The following COX6B2 variants were observed in gnomAD, a reference collection of about 807,000 sequenced individuals.
The protein encoded by COX6B2 is COX VIb-2.
A neutral mutation model predicts 13.7 loss-of-function variants in COX6B2; 12 were observed. The observed-to-expected ratio is 0.87, with a 90% CI of 0.56 to 1.41. COX6B2 has a LOEUF of 1.41. Among genes scored for constraint, COX6B2 ranks in the 40% most tolerant of loss-of-function variants. The pLI is 0.00. For missense variants in COX6B2, 130 were observed against 118.3 expected, an observed-to-expected ratio of 1.10 and a Z score of -0.46; for synonymous variants, 56 against 46.6, an observed-to-expected ratio of 1.20 and a Z score of -0.82.
rs1434263116 is a variant in COX6B2 at position 55,350,993 on chromosome 19, C to T, written c.*115-193G>A. Among the ~76,000 whole-genome samples the T allele has an allele frequency of 6.6e-6, 1 of 152,206 alleles. No homozygotes were observed. The highest frequency in any genetic ancestry group is 1.5e-5 in the Non-Finnish European group (1 of 68,042). ...ATGCTGCAAGCTAGTAACCAGATGC[C>T]TCCAAGAGCTCCAGGACTGGTTTAT... On this transcript the variant is annotated intron_variant, in intron 4 of 4. Coordinates refer to ENST00000326529, the MANE Select transcript of COX6B2 (RefSeq NM_144613.5). This position sits in a 1 kb window ranked among gnomAD's most constrained non-coding sequence, Gnocchi z 4.2.
chr19:55,353,655 C>T lies in COX6B2; in HGVS notation c.*66G>A. ...GGAGGTAGGGGTGGATAACCGAGAC[C>T]CGGGGCTCCGCGAGACAAAAAGATG... On this transcript the variant is annotated 3_prime_UTR_variant, in exon 4 of 5. Transcript: ENST00000326529. The T allele has an allele frequency of 6.6e-7, 1 of 1,506,978 alleles. No homozygotes were observed. The highest frequency in any genetic ancestry group is 9.1e-7 in the Non-Finnish European group (1 of 1,102,224). The allele number at this position is 1,506,978 out of a possible 1,614,324, so 93.4% of individuals were successfully genotyped here. A position where few individuals can be genotyped will look rare whatever the true frequency, so the allele number is the denominator to read the frequency against.
At position 55,353,939 on chromosome 19, in the gene COX6B2, G is replaced by GTCC; in HGVS notation, c.137_139dup (p.Arg46dup). On this transcript the variant is annotated inframe_insertion, in exon 3 of 5. Transcript: ENST00000326529. ...GGGCTGCGTGCTCTTCCCGCGGCGGGTCCTGGTCTTGAGGCAGCGGTGGTA... is the reference window on the plus strand; with the variant it reads ...GGGCTGCGTGCTCTTCCCGCGGCGGGTCCTCCTGGTCTTGAGGCAGCGGTGGTA... 1 of 1,558,286 alleles carries GTCC rather than the reference G, an allele frequency of 6.4e-7. No individual in the cohort carries two copies. The highest frequency in any genetic ancestry group is 2.4e-5 in the East Asian group (1 of 41,570).
chr19:55,354,134 A>C (rs1179424643), intron 2 of COX6B2, 168 bp from the exon 3 acceptor site: 6 of 614,298 alleles, frequency 9.8e-6, no homozygotes, highest in Non-Finnish European at 1.7e-5. Flanking sequence ...CCTCCCTCAC[A>C]CTGCTCCTCC....
rs2089664762 is a variant in COX6B2 at position 55,350,693 on chromosome 19, G to A, written c.*222C>T. Reference sequence around the variant, plus strand: ...GTTCACCAAGGTAGCTCAAGGACAGGAAGAAACGGTGGTGGCAGAGGGTCC... The same window carrying A: ...GTTCACCAAGGTAGCTCAAGGACAGAAAGAAACGGTGGTGGCAGAGGGTCC... On this transcript the variant is annotated 3_prime_UTR_variant, in exon 5 of 5. Transcript: ENST00000326529. This position sits in a 1 kb window ranked among gnomAD's most constrained non-coding sequence, Gnocchi z 4.2. 2 of 152,444 alleles carry A rather than the reference G, an allele frequency of 1.3e-5. No individual in the cohort carries two copies. Among genetic ancestry groups the A allele is most frequent in the African/African-American group, 4.8e-5 (2 of 41,468 alleles). The allele number at this position is 152,444 out of a possible 1,614,324, so 9.4% of individuals were successfully genotyped here. A position where few individuals can be genotyped will look rare whatever the true frequency, so the allele number is the denominator to read the frequency against.
intron 2 of COX6B2, 116 bp downstream of exon 2, chr19:55,354,294 G>A (rs1338968109): frequency 8.2e-6 from 3 of 363,670 alleles, no homozygotes; most frequent in African/African-American, 5.2e-5. Context: ...CCACCAACCC[G>A]GCCCCGCCCG....
chr19:55,353,760 G>C lies in COX6B2; in HGVS notation c.228C>G (p.Asn76Lys). The part of the protein sequence containing the change: ...LCPISWVESW[N>K]EQIKNGIFAG... The stretch of plus-strand genomic sequence containing the variant: ...CGAAAATCCCGTTCTTGATCTGCTC[G>C]TTCCAGCTCTCCACCTGGGAAGCAG... Residue 76 changes from asparagine to lysine, a missense_variant, in exon 4 of 5, where the codon AAC becomes AAG. Physicochemically the swap from Asn to Lys is moderately conservative, Grantham distance 94. Coordinates refer to ENST00000326529, the MANE Select transcript of COX6B2 (RefSeq NM_144613.5). 6.2e-7 allele frequency: 1 copy of C among 1,609,932 alleles called. No individual in the cohort carries two copies. The highest frequency in any genetic ancestry group is 8.5e-7 in the Non-Finnish European group (1 of 1,178,158).
chr19:55,354,409 C>A lies in COX6B2; in HGVS notation c.112+1G>T, dbSNP rs770464196. The A allele has an allele frequency of 1.2e-6, 2 of 1,609,994 alleles. No individual in the cohort carries two copies. The highest frequency in any genetic ancestry group is 2.2e-5 in the South Asian group (2 of 90,998). ...CCATAACCTGGCTGAGCAGGTCTCA[C>A]CCAGGAAGTTCTGGTAGCAGTTACG... On this transcript the variant is annotated splice_donor_variant, in intron 2 of 4. Transcript: ENST00000326529. LOFTEE classifies it high-confidence loss of function.
intron 2 of COX6B2, 69 bp from the exon 3 acceptor site, chr19:55,354,035 G>C (rs906396625): frequency 2.2e-6 from 3 of 1,356,644 alleles, no homozygotes; most frequent in South Asian, 1.3e-5. Context: ...TCCACTGCTC[G>C]GGCCCTCCCA....
Position 55,354,468 on chromosome 19 carries a change from G to A in COX6B2, c.54C>T (p.Pro18=). 6.2e-7 allele frequency: 1 copy of A among 1,614,052 alleles called. No homozygotes were observed. The highest frequency in any genetic ancestry group is 8.5e-7 in the Non-Finnish European group (1 of 1,179,964). Residue 18 remains proline, a synonymous_variant, in exon 2 of 5, where the codon CCC becomes CCT. Coordinates refer to ENST00000326529, the MANE Select transcript of COX6B2 (RefSeq NM_144613.5). ...EPPKGKWSTP[P]FDPRFPSQNQ... ...TCTGGCTGGGGAAGCGCGGGTCGAA[G>A]GGCGGCGTCGACCATTTCCCCTTGG... is the stretch of plus-strand genomic sequence containing the variant.
chr19:55,354,366 T>G, intron 2 of COX6B2, 44 bp downstream of exon 2: 1 of 1,490,330 alleles, frequency 6.7e-7, no homozygotes, highest in Non-Finnish European at 9.2e-7. Flanking sequence ...TGCCGTCCCT[T>G]GTCACACCCT....
Position 55,353,794 on chromosome 19 carries a change from G to A in COX6B2, c.214-20C>T. 2 of 1,602,410 alleles carry A rather than the reference G, an allele frequency of 1.2e-6. No individual in the cohort carries two copies. The highest frequency in any genetic ancestry group is 1.7e-6 in the Non-Finnish European group (2 of 1,174,722). ...CTCCACCTGGGAAGCAGAAAGGCAG[G>A]GAGCGGGACGCCGGCTCAGCCTCGG... On this transcript the variant is annotated intron_variant, in intron 3 of 4. Transcript: ENST00000326529.
In COX6B2 at chr19:55,354,530, G is replaced by A. The variant is rs1217543729; in HGVS notation, c.-9C>T. On this transcript the variant is annotated 5_prime_UTR_variant, in exon 2 of 5. Transcript: ENST00000326529. The stretch of plus-strand genomic sequence containing the variant: ...GCTTCCACATCCAACATCCACGAAG[G>A]AGGCAACTCCTGCGAGACGGGACGG... 3.1e-6 allele frequency: 5 copies of A among 1,599,662 alleles called. No homozygotes were observed. Among genetic ancestry groups the A allele is most frequent in the Middle Eastern group, 1.7e-4 (1 of 5,956 alleles).
rs894738576 is a variant in COX6B2 at position 55,350,519 on chromosome 19, A to T, written c.*396T>A. The T allele has an allele frequency of 6.6e-6, 1 of 152,334 alleles. No individual in the cohort carries two copies. Among genetic ancestry groups the T allele is most frequent in the Admixed American group, 6.5e-5 (1 of 15,278 alleles). 9.4% of individuals were successfully genotyped at this position (152,334 alleles called of 1,614,324 possible). Reference sequence around the variant, plus strand: ...CAGTCATCTCGCCCATACAGACAGGAGCTGGCTGGGGAGGGCAGGTGTGTC... The same window carrying T: ...CAGTCATCTCGCCCATACAGACAGGTGCTGGCTGGGGAGGGCAGGTGTGTC... On this transcript the variant is annotated 3_prime_UTR_variant, in exon 5 of 5. Transcript: ENST00000326529. The surrounding 1 kb of genome is among the most constrained non-coding windows in gnomAD (Gnocchi z 4.2).
In COX6B2 at chr19:55,350,272, C is replaced by T. The variant is rs146718492; in HGVS notation, c.*643G>A. 6.6e-6 allele frequency: 1 copy of T among 152,302 alleles called. No individual in the cohort carries two copies. The highest frequency in any genetic ancestry group is 6.5e-5 in the Admixed American group (1 of 15,280). 9.4% of individuals were successfully genotyped at this position (152,302 alleles called of 1,614,324 possible). ...CATTGCAGGATGTTGAGCGGCTTCT[C>T]TGGTCTCCACCCACTCGATGCCAGG... On this transcript the variant is annotated 3_prime_UTR_variant, in exon 5 of 5. Coordinates refer to ENST00000326529, the MANE Select transcript of COX6B2 (RefSeq NM_144613.5). The surrounding 1 kb of genome is among the most constrained non-coding windows in gnomAD (Gnocchi z 4.2).
Position 55,352,015 on chromosome 19 carries a change from G to A in COX6B2, c.*115-1215C>T, listed in dbSNP as rs1044120305. 4 of 153,104 alleles carry A rather than the reference G, an allele frequency of 2.6e-5. No individual in the cohort carries two copies. Among genetic ancestry groups the A allele is most frequent in the African/African-American group, 7.2e-5 (3 of 41,440 alleles). The allele number at this position is 153,104 out of a possible 1,614,324, so 9.5% of individuals were successfully genotyped here. A position where few individuals can be genotyped will look rare whatever the true frequency, so the allele number is the denominator to read the frequency against. On this transcript the variant is annotated intron_variant, in intron 4 of 4. Coordinates refer to ENST00000326529, the MANE Select transcript of COX6B2 (RefSeq NM_144613.5). The surrounding 1 kb of genome is among the most constrained non-coding windows in gnomAD (Gnocchi z 6.2). ...CAGGGCAAAAATGGGTTCTAGACAC[G>A]GCTCTGGGGAGGTCAGGAGGCTGCT...
intron 2 of COX6B2, 98 bp downstream of exon 2, chr19:55,354,312 A>ACCCC: frequency 1.7e-6 from 1 of 576,000 alleles, no homozygotes; most frequent in African/African-American, 6.8e-5. Flanking sequence ...CCGGCCTCCC[A>ACCCC]CCCTAACGGT....
intron 4 of COX6B2, chr19:55,353,338 T>G: frequency 2.8e-6 from 1 of 359,762 alleles, no homozygotes; most frequent in Non-Finnish European, 5.3e-6. Flanking sequence ...TGGGACAGTG[T>G]TGAGAACTGG....
chr19:55,353,021 G>A (rs1441708549), intron 4 of COX6B2: 1 of 154,376 alleles, frequency 6.5e-6, no homozygotes, highest in African/African-American at 2.4e-5. Flanking sequence ...GTGGACACCA[G>A]GGGATTCTGT....
Position 55,353,895 on chromosome 19 carries a change from C to T in COX6B2, c.184G>A (p.Val62Met). Residue 62 changes from valine to methionine, a missense_variant, in exon 3 of 5, where the codon GTG (valine) becomes ATG (methionine). Physicochemically the swap from Val to Met is conservative, Grantham distance 21. Transcript: ENST00000326529. ...STQPCEYYFR[V>M]YHSLCPISWV... Reference sequence around the variant, plus strand: ...CTGATGGGGCACAGCGAGTGGTACACGCGGAAATAGTACTCGCAGGGCTGC... The same window carrying T: ...CTGATGGGGCACAGCGAGTGGTACATGCGGAAATAGTACTCGCAGGGCTGC... 1 of 1,571,498 alleles carries T rather than the reference C, an allele frequency of 6.4e-7. No homozygotes were observed. Among genetic ancestry groups the T allele is most frequent in the Non-Finnish European group, 8.6e-7 (1 of 1,159,480 alleles).
Sources: allele counts gnomAD v4.1 joint callset (sites outside exome capture counted in the v4.1 genomes callset), GRCh38; gene constraint gnomAD v4.1.1; non-coding constraint Gnocchi (gnomAD v3.1); transcripts MANE v1.5; gene names NCBI Gene and HGNC (gene_info 2026-07-23, HGNC 2026-07-21).